Variants in ZNF519 observed in about 807,000 individuals in gnomAD.
ZNF519 encodes the protein similar to Zinc finger protein 85 (Zinc finger protein HPF4) (HTF1).
A neutral mutation model predicts 7.4 loss-of-function variants in ZNF519; 7 were observed. That is an observed-to-expected ratio of 0.94 (90% CI 0.54 to 1.77). The LOEUF is 1.77. Among genes scored for constraint, ZNF519 ranks in the 40% most tolerant of loss-of-function variants. The pLI is 0.00. For synonymous variants in ZNF519, 179 were observed against 203.3 expected (o/e 0.88, Z 1.02); for missense variants, 586 against 623.1 (o/e 0.94, Z 0.63).
At chr18:14,116,032 T>C (rs1190023656) in intron 2 of ZNF519, among the ~76,000 whole-genome samples, 2 of 152,220 alleles carry the variant, frequency 1.3e-5, no homozygotes, top group Non-Finnish European at 2.9e-5. Context: ...GTGGGTTTGT[T>C]GTACAGATTA....
At chr18:14,072,009 G>C (rs2046030175), downstream of ZNF519, 1 of 152,216 alleles carries the variant, frequency 6.6e-6, no homozygotes, top group Non-Finnish European at 1.5e-5. Flanking sequence ...TGGAGAAACA[G>C]CGTGGTTTTC....
intron 1 of ZNF519, among the ~76,000 whole-genome samples, chr18:14,125,817 T>C (rs1003558242): frequency 7.9e-5 from 12 of 152,060 alleles, no homozygotes; most frequent in Admixed American, 6.5e-4. Flanking sequence ...CCCAAATAGC[T>C]GGGATTACGG....
downstream of ZNF519, chr18:14,075,927 C>T (rs1382409706): frequency 6.6e-6 from 1 of 151,894 alleles, no homozygotes; most frequent in African/African-American, 2.4e-5. Context: ...ACACCACACA[C>T]CACACACACA....
chr18:14,129,980 C>A (rs1161818613), intron 1 of ZNF519, among the ~76,000 whole-genome samples: 16 of 152,092 alleles, frequency 1.1e-4, no homozygotes, highest in Admixed American at 1.0e-3. Flanking sequence ...AAAGCTGGGG[C>A]AGGTAGGTAA....
At chr18:14,078,576 C>A (rs1224321000) in intron 3 of ZNF519, among the ~76,000 whole-genome samples, 1 of 152,102 alleles carries the variant, frequency 6.6e-6, no homozygotes, top group East Asian at 1.9e-4. Flanking sequence ...AGGAAGACTA[C>A]ATAAGGGTGA....
chr18:14,098,124 C>A (rs139655305), downstream of ZNF519, among the ~76,000 whole-genome samples: 64 of 152,082 alleles, frequency 4.2e-4, no homozygotes, highest in African/African-American at 1.5e-3. Flanking sequence ...TTTCACTGTC[C>A]CTGTTGAAAA....
chr18:14,074,872 C>G (rs1346796008), downstream of ZNF519: 1 of 152,264 alleles, frequency 6.6e-6, no homozygotes, highest in Non-Finnish European at 1.5e-5. Flanking sequence ...GCACCCCACT[C>G]TACTGATACC....
At chr18:14,093,651 G>A (rs893228977) in intron 2 of ZNF519, among the ~76,000 whole-genome samples, 2 of 152,222 alleles carry the variant, frequency 1.3e-5, no homozygotes, top group African/African-American at 4.8e-5. Flanking sequence ...TGGCTCCAGG[G>A]CTTCCAGGTG....
intron 2 of ZNF519, among the ~76,000 whole-genome samples, chr18:14,088,972 A>C (rs979217766): frequency 2.6e-5 from 4 of 152,132 alleles, no homozygotes; most frequent in Non-Finnish European, 2.9e-5. Context: ...TTTTAAACTC[A>C]TGTCTGACTG....
At chr18:14,088,150 G>A (rs1012459108) in intron 2 of ZNF519, among the ~76,000 whole-genome samples, 2 of 152,184 alleles carry the variant, frequency 1.3e-5, no homozygotes, top group South Asian at 2.1e-4. Flanking sequence ...CAATTATCCC[G>A]TTTTAGCAAA....
chr18:14,081,032 A>G (rs949550406), intron 3 of ZNF519, among the ~76,000 whole-genome samples: 2 of 152,206 alleles, frequency 1.3e-5, no homozygotes, highest in African/African-American at 4.8e-5. Context: ...TAAATAGAGC[A>G]TGGAGTCTTT....
intron 1 of ZNF519, among the ~76,000 whole-genome samples, chr18:14,128,690 A>AACACACACACACACACACAC (rs71366097): frequency 7.7e-5 from 10 of 130,658 alleles, no homozygotes; most frequent in East Asian, 3.6e-4. Flanking sequence ...TTCTGAGTCA[A>AACACACACACACACACACAC]ACACACACAC....
In ZNF519 at chr18:14,086,116, G is replaced by C. The variant is rs73958130; in HGVS notation, c.131-1040C>G. Among the ~76,000 whole-genome samples the C allele has an allele frequency of 1.1e-3, 163 of 152,322 alleles. 1 individual carries two copies. Among genetic ancestry groups the C allele is most frequent in the African/African-American group, 3.8e-3 (156 of 41,570 alleles). On this transcript the variant is annotated intron_variant and NMD_transcript_variant, in intron 2 of 4. Coordinates refer to the ZNF519 transcript ENST00000587419. The stretch of plus-strand genomic sequence containing the variant: ...AAAGAGTGACTCCACCCACTGGAGG[G>C]AAGGAAAGGAAAGAAACTAAGCACA...
intron 3 of ZNF519, among the ~76,000 whole-genome samples, chr18:14,079,729 C>G (rs931949606): frequency 1.3e-5 from 2 of 152,130 alleles, no homozygotes; most frequent in Admixed American, 1.3e-4. Context: ...AATCACAGAC[C>G]TTAACATCTT....
intron 2 of ZNF519, among the ~76,000 whole-genome samples, chr18:14,113,301 G>A (rs1466129565): frequency 1.3e-5 from 2 of 152,122 alleles, no homozygotes; most frequent in Non-Finnish European, 2.9e-5. Flanking sequence ...TGAGATAAAT[G>A]CATACCTGAT....
At chr18:14,128,149 C>G (rs1056249463) in intron 1 of ZNF519, among the ~76,000 whole-genome samples, 7 of 151,736 alleles carry the variant, frequency 4.6e-5, no homozygotes, top group African/African-American at 1.7e-4. Context: ...AAAAATTAGC[C>G]GGGTGTGGTG....
At chr18:14,075,051 C>T (rs1417420656), downstream of ZNF519, 2 of 152,158 alleles carry the variant, frequency 1.3e-5, no homozygotes, top group Admixed American at 1.3e-4. Flanking sequence ...TGGGAGCAGG[C>T]AAAGAGAGAG....
chr18:14,124,129 C>T (rs890456337), intron 2 of ZNF519: 18 of 269,774 alleles, frequency 6.7e-5, no homozygotes, highest in Non-Finnish European at 1.1e-4. Flanking sequence ...GCCAAGATCG[C>T]GCCATTGCAC....
chr18:14,123,215 T>C, intron 2 of ZNF519: 1 of 81,098 alleles, frequency 1.2e-5, no homozygotes, highest in Non-Finnish European at 2.3e-5. Context: ...ACACTTGTTT[T>C]ATTAAAAAAA....
Sources: gnomAD v4.1 joint callset for allele counts (sites outside exome capture counted in the v4.1 genomes callset) on GRCh38, gnomAD v4.1.1 for gene constraint, MANE v1.5 for transcripts, NCBI Gene and HGNC (gene_info 2026-07-23, HGNC 2026-07-21) for gene names.